ATP11A: variants seen among roughly 807,000 people sequenced by gnomAD.
ATP11A encodes the protein ATPase phospholipid transporting 11A.
A neutral mutation model predicts 154.4 loss-of-function variants in ATP11A; 81 were observed. The observed-to-expected ratio is 0.52, with a 90% CI of 0.44 to 0.63. The LOEUF (loss-of-function observed/expected upper bound fraction) is 0.63, where lower values mean the gene tolerates loss of function less well. Among genes scored for constraint, ATP11A ranks in the 30% least tolerant of loss-of-function variants. The pLI is 0.00. For synonymous variants in ATP11A, 623 were observed against 585.9 expected (o/e 1.06, Z -0.91); for missense variants, 1,316 against 1,474.3 (o/e 0.89, Z 1.76).
At chr13:112,830,840 A>G (rs1401363600) in intron 12 of ATP11A, among the ~76,000 whole-genome samples, 1 of 152,216 alleles carries the variant, frequency 6.6e-6, no homozygotes, top group Non-Finnish European at 1.5e-5. Context: ...TATCTTTAAC[A>G]CATATCACAG....
chr13:112,831,581 T>C (rs769228766), intron 13 of ATP11A, 33 bp downstream of exon 13: 1 of 1,604,422 alleles, frequency 6.2e-7, no homozygotes, highest in South Asian at 1.1e-5. Context: ...TCCAAGTGTG[T>C]GAGTGAGTGG....
intron 1 of ATP11A, among the ~76,000 whole-genome samples, chr13:112,769,073 G>C (rs1023000606): frequency 1.3e-5 from 2 of 152,160 alleles, no homozygotes; most frequent in African/African-American, 4.8e-5. Flanking sequence ...ACTGCTATGG[G>C]GGGAAGGTTT....
intron 1 of ATP11A, among the ~76,000 whole-genome samples, chr13:112,766,200 C>T (rs1404603159): frequency 1.3e-5 from 2 of 151,960 alleles, no homozygotes; most frequent in Non-Finnish European, 2.9e-5. Flanking sequence ...GCAATCTCTG[C>T]CTCTCCATGC....
chr13:112,870,121 AAGG>A (rs762407664), intron 25 of ATP11A, among the ~76,000 whole-genome samples: 4 of 152,106 alleles, frequency 2.6e-5, no homozygotes, highest in Non-Finnish European at 5.9e-5. Context: ...TCCAAGCCAG[AAGG>A]AGGAGGCCCA....
chr13:112,872,981 G>C lies in ATP11A; in HGVS notation c.3058-592G>C, dbSNP rs79516245. 9.9e-3 allele frequency among the ~76,000 whole-genome samples: 799 copies of C among 80,654 alleles called. 3 individuals are homozygous for C. Among genetic ancestry groups the C allele is most frequent in the Admixed American group, 0.014 (116 of 8,086 alleles). 52.9% of individuals were successfully genotyped at this position (80,654 alleles called of 152,430 possible). ...AGGTGTGGCTTTGTCTTCCTGAGCG[G>C]TGTGAGGTGTGGCTTTGTCTTCCTG... On this transcript the variant is annotated intron_variant, in intron 26 of 29. Transcript: ENST00000375645.
intron 1 of ATP11A, among the ~76,000 whole-genome samples, chr13:112,725,127 T>C (rs775382901): frequency 2.6e-4 from 39 of 152,188 alleles, no homozygotes; most frequent in Non-Finnish European, 5.0e-4. Flanking sequence ...TCCATCCCTC[T>C]GTCAACCCTG....
chr13:112,839,947 C>G (rs974296492), intron 16 of ATP11A, among the ~76,000 whole-genome samples: 1 of 152,144 alleles, frequency 6.6e-6, no homozygotes, highest in Admixed American at 6.5e-5. Context: ...GGCTGGAAAC[C>G]ATGGGAGTCG....
At chr13:112,700,044 ATTTTTTTT>A (rs5806957) in intron 1 of ATP11A, among the ~76,000 whole-genome samples, 1 of 139,864 alleles carries the variant, frequency 7.1e-6, no homozygotes, top group South Asian at 2.3e-4. Context: ...GACAAAGGTA[ATTTTTTTT>A]TTTTTTTTGG....
chr13:112,842,238 A>C, intron 16 of ATP11A, 38 bp from the exon 17 acceptor site: 2 of 1,442,066 alleles, frequency 1.4e-6, no homozygotes, highest in Non-Finnish European at 1.9e-6. Flanking sequence ...AGTCTTCCCC[A>C]TATTGTGATT....
chr13:112,831,314 C>G, intron 12 of ATP11A, 61 bp from the exon 13 acceptor site: 1 of 1,565,370 alleles, frequency 6.4e-7, no homozygotes, highest in Non-Finnish European at 8.7e-7. Context: ...TGCTGTGTGT[C>G]TGAGTCGGGG....
In ATP11A at chr13:112,733,860, T is replaced by C. The variant is rs184725126; in HGVS notation, c.39+43405T>C. Among the ~76,000 whole-genome samples the C allele has an allele frequency of 2.4e-4, 36 of 152,378 alleles. No individual in the cohort carries two copies. In the East Asian group the frequency reaches 6.9e-3, roughly 29 times the overall value. On this transcript the variant is annotated intron_variant, in intron 1 of 29. Transcript: ENST00000375645. ...TCAGTGGACAGCCAAATCTCATTTT[T>C]CTGACTCAATTCTGTGATTCTTATC...
Position 112,859,617 on chromosome 13 carries a change from GA to G in ATP11A, c.2727+166del, listed in dbSNP as rs2080041023. ...GCGGGGGTGAAGGGTCGGGCCTGGGGAGGGGGGCCACGGAGCTGAGGAGTTG... is the reference window on the plus strand; with the variant it reads ...GCGGGGGTGAAGGGTCGGGCCTGGGGGGGGGGCCACGGAGCTGAGGAGTTG... On this transcript the variant is annotated intron_variant, in intron 23 of 29. Coordinates refer to ENST00000375645, the MANE Select transcript of ATP11A (RefSeq NM_015205.3). The surrounding 1 kb of genome is among the most constrained non-coding windows in gnomAD (Gnocchi z 4.3). Among the ~76,000 whole-genome samples the G allele has an allele frequency of 1.3e-5, 2 of 152,160 alleles. No individual in the cohort carries two copies. Among genetic ancestry groups the G allele is most frequent in the Non-Finnish European group, 2.9e-5 (2 of 68,020 alleles).
At chr13:112,814,671 GC>G (rs2078593278) in intron 5 of ATP11A, among the ~76,000 whole-genome samples, 1 of 152,116 alleles carries the variant, frequency 6.6e-6, no homozygotes, top group Non-Finnish European at 1.5e-5. Flanking sequence ...AAACACATTT[GC>G]ATGGGTCTGT....
At chr13:112,800,892 A>T (rs1321219045) in intron 2 of ATP11A, among the ~76,000 whole-genome samples, 4 of 152,182 alleles carry the variant, frequency 2.6e-5, no homozygotes, top group Non-Finnish European at 5.9e-5. Context: ...AAAAAAGAAA[A>T]CTTACATGAT....
chr13:112,778,796 G>A (rs1320736055), intron 1 of ATP11A, among the ~76,000 whole-genome samples: 6 of 125,536 alleles, frequency 4.8e-5, no homozygotes, highest in African/African-American at 1.9e-4. Flanking sequence ...GTGAGGAGTA[G>A]CCGCTGGAGT....
At chr13:112,827,826 C>T (rs755082777) in intron 12 of ATP11A, among the ~76,000 whole-genome samples, 22 of 152,336 alleles carry the variant, frequency 1.4e-4, no homozygotes, top group Non-Finnish European at 2.1e-4. Context: ...GGCCAACAAA[C>T]GGAAGGATCA....
intron 15 of ATP11A, among the ~76,000 whole-genome samples, chr13:112,835,726 T>C (rs2079215529): frequency 6.6e-6 from 1 of 152,264 alleles, no homozygotes; most frequent in East Asian, 1.9e-4. Context: ...ACAGGTTTTC[T>C]GAGTCTTCCG....
At chr13:112,692,459 T>C (rs1885307632) in intron 1 of ATP11A, among the ~76,000 whole-genome samples, 1 of 152,224 alleles carries the variant, frequency 6.6e-6, no homozygotes, top group Admixed American at 6.5e-5. Flanking sequence ...CTTGACTCCC[T>C]TTCTCCAGGC....
intron 2 of ATP11A, among the ~76,000 whole-genome samples, chr13:112,803,473 G>A (rs1444825847): frequency 1.3e-5 from 2 of 152,216 alleles, no homozygotes; most frequent in Non-Finnish European, 2.9e-5. Context: ...CGCAGCACAG[G>A]CTGTGAGACC....
Sources: gnomAD v4.1 joint callset for allele counts (sites outside exome capture counted in the v4.1 genomes callset) on GRCh38, gnomAD v4.1.1 for gene constraint, Gnocchi (gnomAD v3.1) non-coding constraint, MANE v1.5 for transcripts, NCBI Gene and HGNC (gene_info 2026-07-23, HGNC 2026-07-21) for gene names.